The following TMEM63C variants were observed in gnomAD, a reference collection of about 807,000 sequenced individuals.
TMEM63C encodes osmosensitive cation channel TMEM63C.
In TMEM63C, 32 loss-of-function variants were observed where a neutral mutation model predicts 99.2. The observed-to-expected ratio is 0.32, with a 90% confidence interval of 0.24 to 0.43. TMEM63C has a LOEUF of 0.43. Ranked by LOEUF, TMEM63C falls within the 20% of genes least tolerant of loss-of-function variation. The pLI, the probability that TMEM63C is intolerant of heterozygous loss-of-function variation, is 1.00. For synonymous variants in TMEM63C, 376 were observed against 397.9 expected, an observed-to-expected ratio of 0.94 and a Z score of 0.66; for missense variants, 826 against 1,053.0, an observed-to-expected ratio of 0.78 and a Z score of 2.98.
At chr14:77,228,267 G>T (rs1888867543) in intron 6 of TMEM63C, among the ~76,000 whole-genome samples, 1 of 152,124 alleles carries the variant, frequency 6.6e-6, no homozygotes, top group African/African-American at 2.4e-5. Context: ...GAATTCTAGT[G>T]CTCTCAGTGC....
intron 8 of TMEM63C, 53 bp downstream of exon 8, chr14:77,233,553 AGAG>A: frequency 6.3e-7 from 1 of 1,587,560 alleles, no homozygotes. Flanking sequence ...GTTGGTGTGG[AGAG>A]GAGGTCTAAC....
chr14:77,192,648 G>C (rs1888129914), intron 1 of TMEM63C, among the ~76,000 whole-genome samples: 1 of 152,154 alleles, frequency 6.6e-6, no homozygotes, highest in Non-Finnish European at 1.5e-5. Flanking sequence ...TGTAGTTGCA[G>C]CTACTCGGGA....
At chr14:77,212,835 A>G (rs765535707) in intron 1 of TMEM63C, among the ~76,000 whole-genome samples, 1 of 152,144 alleles carries the variant, frequency 6.6e-6, no homozygotes, top group Non-Finnish European at 1.5e-5. Flanking sequence ...GCTGGATGGA[A>G]TTCCCCACCT....
intron 2 of TMEM63C, among the ~76,000 whole-genome samples, chr14:77,215,115 C>T (rs964901122): frequency 2.0e-5 from 3 of 152,298 alleles, no homozygotes; most frequent in Admixed American, 2.0e-4. Context: ...TGGCTGCTCT[C>T]GTCAATTCAA....
intron 13 of TMEM63C, among the ~76,000 whole-genome samples, chr14:77,240,866 A>G (rs887012221): frequency 1.3e-5 from 2 of 151,408 alleles, no homozygotes; most frequent in African/African-American, 2.4e-5. Flanking sequence ...AGGTGGTCAG[A>G]GAAGCCTTTG....
At position 77,186,018 on chromosome 14, in the gene TMEM63C, G is replaced by T. The variant is rs188059546; in HGVS notation, c.-77+4124G>T. ...ATGGCGACCATGTTTTGTTGTTGTT[G>T]TTTTTTTTTTTGAAACAGAGTCTCG... On this transcript the variant is annotated intron_variant, in intron 1 of 23. Transcript: ENST00000298351. Among the ~76,000 whole-genome samples, 333 of 145,644 alleles carry T rather than the reference G, an allele frequency of 2.3e-3. 2 individuals carry two copies. Among genetic ancestry groups the T allele is most frequent in the African/African-American group, 7.3e-3 (293 of 40,030 alleles).
chr14:77,194,553 C>CTTTCTG (rs56115104), intron 1 of TMEM63C, among the ~76,000 whole-genome samples: 2 of 125,048 alleles, frequency 1.6e-5, no homozygotes, highest in African/African-American at 3.2e-5. Context: ...TTCTTTCTTT[C>CTTTCTG]TCTTTCTTTC....
chr14:77,240,188 C>T (rs1358261065), intron 12 of TMEM63C, among the ~76,000 whole-genome samples: 4 of 152,240 alleles, frequency 2.6e-5, no homozygotes, highest in Middle Eastern at 3.2e-3. Context: ...CGTGGAAATG[C>T]GGCAAACACA....
At chr14:77,228,226 G>A (rs879821150) in intron 6 of TMEM63C, among the ~76,000 whole-genome samples, 2 of 152,156 alleles carry the variant, frequency 1.3e-5, no homozygotes, top group Non-Finnish European at 2.9e-5. Context: ...CAGGCCTAGT[G>A]GTGGAGGCAG....
intron 1 of TMEM63C, among the ~76,000 whole-genome samples, chr14:77,188,947 G>A (rs1888053032): frequency 1.3e-5 from 2 of 152,226 alleles, no homozygotes; most frequent in East Asian, 3.9e-4. Flanking sequence ...ATGTGTAACT[G>A]GGGAGTTTTA....
intron 1 of TMEM63C, among the ~76,000 whole-genome samples, chr14:77,197,830 T>C (rs1019320490): frequency 1.3e-5 from 2 of 152,220 alleles, no homozygotes; most frequent in African/African-American, 4.8e-5. Flanking sequence ...GTAATGTTTG[T>C]TGGGAGAGGG....
At chr14:77,192,121 G>A (rs1594848451) in intron 1 of TMEM63C, among the ~76,000 whole-genome samples, 1 of 152,018 alleles carries the variant, frequency 6.6e-6, no homozygotes, top group African/African-American at 2.4e-5. Flanking sequence ...GCTCTCTTTT[G>A]GTTACCATTT....
At chr14:77,207,720 G>T (rs1402593908) in intron 1 of TMEM63C, among the ~76,000 whole-genome samples, 3 of 152,174 alleles carry the variant, frequency 2.0e-5, no homozygotes, top group South Asian at 2.1e-4. Flanking sequence ...AGGAATAAAC[G>T]ATGTTCAGTG....
chr14:77,209,544 TG>T (rs886382467), intron 1 of TMEM63C, among the ~76,000 whole-genome samples: 11 of 152,116 alleles, frequency 7.2e-5, no homozygotes, highest in African/African-American at 2.7e-4. Flanking sequence ...ATGGATTTGT[TG>T]GTAAGCTGGC....
At chr14:77,246,155 T>G in intron 17 of TMEM63C, 129 bp downstream of exon 17, 1 of 767,834 alleles carries the variant, frequency 1.3e-6, no homozygotes, top group Non-Finnish European at 2.3e-6. Flanking sequence ...CCCATGCCTG[T>G]CATGGGTGTA....
Position 77,240,562 on chromosome 14 carries a change from C to T in TMEM63C, c.1018C>T (p.Leu340=). Residue 340 remains leucine (L), a synonymous_variant, in exon 13 of 24, where the codon CTG becomes TTG. Transcript: ENST00000298351. The stretch of plus-strand genomic sequence containing the variant: ...GCTCAACCGCGTGCCGCTCAAGCGG[C>T]TGGACCTGATCTTTGTCACCTTCCA... ...AELNRVPLKR[L]DLIFVTFQDS... 1 of 1,611,712 alleles carries T rather than the reference C, an allele frequency of 6.2e-7. No individual in the cohort carries two copies. The highest frequency in any genetic ancestry group is 8.5e-7 in the Non-Finnish European group (1 of 1,179,882).
chr14:77,217,964 T>C (rs1032812411), intron 2 of TMEM63C, among the ~76,000 whole-genome samples: 3 of 151,616 alleles, frequency 2.0e-5, no homozygotes, highest in African/African-American at 4.9e-5. Context: ...TGGTGGGGAG[T>C]GGGGATGCTT....
chr14:77,239,538 G>A (rs747469738), intron 11 of TMEM63C, 46 bp downstream of exon 11: 8 of 1,612,110 alleles, frequency 5.0e-6, no homozygotes, highest in Non-Finnish European at 6.8e-6. Flanking sequence ...GGGGGTAAAA[G>A]GGGAGGATGG....
In TMEM63C at chr14:77,248,513, C is replaced by G. The variant is rs367971853; in HGVS notation, c.1764+4C>G. ...AGAGAGAGTCAACATCAGAAAGGTACAGACTGGCTCTCCGCTGAGCACAGC... is the reference window on the plus strand; with the variant it reads ...AGAGAGAGTCAACATCAGAAAGGTAGAGACTGGCTCTCCGCTGAGCACAGC... On this transcript the variant is annotated splice_donor_region_variant and intron_variant, in intron 19 of 23. Transcript: ENST00000298351. 1.3e-6 allele frequency: 2 copies of G among 1,577,348 alleles called. No homozygotes were observed. The highest frequency in any genetic ancestry group is 1.2e-5 in the South Asian group (1 of 86,342).
Sources: allele counts gnomAD v4.1 joint callset (sites outside exome capture counted in the v4.1 genomes callset), GRCh38; gene constraint gnomAD v4.1.1; transcripts MANE v1.5; gene names NCBI Gene and HGNC (gene_info 2026-07-23, HGNC 2026-07-21).